Variants in SEMA3A observed in about 807,000 individuals in gnomAD.
SEMA3A encodes semaphorin-3A.
SEMA3A carries 29 observed loss-of-function variants against 97.9 expected under a neutral mutation model. The observed-to-expected ratio is 0.30, with a 90% CI of 0.22 to 0.40. The LOEUF (loss-of-function observed/expected upper bound fraction) is 0.40. SEMA3A is among the 10% of genes least tolerant of loss of function. The pLI, the probability that SEMA3A is intolerant of heterozygous loss-of-function variation, is 1.00. For synonymous variants in SEMA3A, 321 were observed against 323.7 expected (o/e 0.99, Z 0.09); for missense variants, 763 against 951.3 (o/e 0.80, Z 2.60).
intron 3 of SEMA3A, among the ~76,000 whole-genome samples, chr7:84,217,235 AAATT>A (rs1285919170): frequency 6.6e-6 from 1 of 152,192 alleles, no homozygotes; most frequent in Non-Finnish European, 1.5e-5. Context: ...TTTCAAGCAA[AAATT>A]AATTAATTCA....
At chr7:84,459,942 G>A (rs535995299) in intron 1 of SEMA3A, among the ~76,000 whole-genome samples, 10 of 152,242 alleles carry the variant, frequency 6.6e-5, no homozygotes, top group South Asian at 6.2e-4. Context: ...TGGGAAGATC[G>A]CTTGAGTCTG....
chr7:84,441,251 C>T (rs1249945030), intron 1 of SEMA3A, among the ~76,000 whole-genome samples: 1 of 151,636 alleles, frequency 6.6e-6, no homozygotes, highest in East Asian at 1.9e-4. Flanking sequence ...CACTTTACAA[C>T]AGATCTATCT....
chr7:83,977,809 T>TTTC, intron 14 of SEMA3A, among the ~76,000 whole-genome samples: 1 of 143,728 alleles, frequency 7.0e-6, no homozygotes, highest in African/African-American at 2.5e-5. Flanking sequence ...TCTTTCTTTC[T>TTTC]TTTTTTTTTT....
At chr7:84,166,765 C>A (rs1238024509) in intron 1 of SEMA3A, among the ~76,000 whole-genome samples, 3 of 150,634 alleles carry the variant, frequency 2.0e-5, no homozygotes, top group African/African-American at 7.3e-5. Context: ...ATCCCAGCTA[C>A]TCAGGAGGCT....
At chr7:84,052,131 T>G (rs967117469) in intron 5 of SEMA3A, among the ~76,000 whole-genome samples, 1 of 152,060 alleles carries the variant, frequency 6.6e-6, no homozygotes, top group Admixed American at 6.6e-5. Flanking sequence ...TATTGAGGAT[T>G]TTTGCATCAA....
intron 2 of SEMA3A, among the ~76,000 whole-genome samples, chr7:84,365,536 A>G (rs928398113): frequency 3.3e-5 from 5 of 151,598 alleles, no homozygotes; most frequent in African/African-American, 1.2e-4. Context: ...ACTTTTGCGA[A>G]GACTTCTTTC....
At chr7:84,193,069 C>T (rs1377659326) in intron 1 of SEMA3A, among the ~76,000 whole-genome samples, 1 of 151,950 alleles carries the variant, frequency 6.6e-6, no homozygotes, top group East Asian at 1.9e-4. Flanking sequence ...TTAAAACTTA[C>T]ATAAGTACAA....
At chr7:84,344,496 G>A (rs1368501290) in intron 2 of SEMA3A, among the ~76,000 whole-genome samples, 1 of 152,118 alleles carries the variant, frequency 6.6e-6, no homozygotes, top group African/African-American at 2.4e-5. Context: ...ACTGAGTTGA[G>A]GATATAGGAC....
chr7:84,377,938 A>G (rs1803150555), intron 1 of SEMA3A, among the ~76,000 whole-genome samples: 1 of 152,150 alleles, frequency 6.6e-6, no homozygotes, highest in Non-Finnish European at 1.5e-5. Flanking sequence ...TTACCTGAAT[A>G]TAGCCATGTC....
chr7:83,982,612 C>A (rs1008344732), intron 13 of SEMA3A, among the ~76,000 whole-genome samples: 2 of 151,980 alleles, frequency 1.3e-5, no homozygotes, highest in Admixed American at 6.6e-5. Context: ...TGTTTTCATA[C>A]ATTGAAAAGA....
chr7:84,030,414 G>T (rs1791699021), intron 6 of SEMA3A, among the ~76,000 whole-genome samples: 1 of 152,086 alleles, frequency 6.6e-6, no homozygotes, highest in South Asian at 2.1e-4. Flanking sequence ...GAAATGAGAT[G>T]AAACAAGTAC....
At chr7:84,030,801 T>C (rs1176296762) in intron 6 of SEMA3A, among the ~76,000 whole-genome samples, 1 of 152,124 alleles carries the variant, frequency 6.6e-6, no homozygotes, top group Admixed American at 6.6e-5. Flanking sequence ...CATATTTAAA[T>C]TGATCAGAAA....
At chr7:84,033,754 T>C (rs1791842901) in intron 6 of SEMA3A, among the ~76,000 whole-genome samples, 2 of 152,138 alleles carry the variant, frequency 1.3e-5, no homozygotes. Flanking sequence ...TAATGTGGGC[T>C]CTTGATAGGT....
intron 12 of SEMA3A, among the ~76,000 whole-genome samples, chr7:84,000,400 AT>A (rs1428341785): frequency 6.6e-6 from 1 of 152,152 alleles, no homozygotes; most frequent in African/African-American, 2.4e-5. Flanking sequence ...AATTATGATT[AT>A]TTTATTATCT....
At position 83,981,308 on chromosome 7, in the gene SEMA3A, A is replaced by G. The variant is rs1170376377; in HGVS notation, c.1652+13T>C. ...CTAGCAAACATTTCATTTATTTTGAATATTTTTCCTACCTCTTTGCAGTGG... is the reference window on the plus strand; with the variant it reads ...CTAGCAAACATTTCATTTATTTTGAGTATTTTTCCTACCTCTTTGCAGTGG... On this transcript the variant is annotated intron_variant, in intron 14 of 16. Coordinates refer to ENST00000265362, the MANE Select transcript of SEMA3A (RefSeq NM_006080.3). 1.2e-6 allele frequency: 2 copies of G among 1,612,408 alleles called. No individual in the cohort carries two copies. Among genetic ancestry groups the G allele is most frequent in the Middle Eastern group, 1.7e-4 (1 of 6,058 alleles).
intron 3 of SEMA3A, among the ~76,000 whole-genome samples, chr7:84,229,743 CCT>C (rs1799074197): frequency 6.6e-6 from 1 of 151,606 alleles, no homozygotes; most frequent in African/African-American, 2.4e-5. Context: ...TATATTAATC[CCT>C]TTCTCTATTA....
intron 2 of SEMA3A, 84 bp from the exon 3 acceptor site, chr7:84,129,269 G>A (rs941836932): frequency 8.9e-6 from 10 of 1,119,682 alleles, no homozygotes; most frequent in Admixed American, 1.8e-5. Context: ...GATGACATTG[G>A]GGCAACTGAA....
chr7:84,186,417 C>T (rs182859361), intron 1 of SEMA3A, among the ~76,000 whole-genome samples: 1 of 152,178 alleles, frequency 6.6e-6, no homozygotes, highest in Non-Finnish European at 1.5e-5. Flanking sequence ...CTTATGAAAA[C>T]GTACTTTCAT....
At chr7:84,462,304 A>G (rs1280051508) in intron 1 of SEMA3A, among the ~76,000 whole-genome samples, 1 of 152,158 alleles carries the variant, frequency 6.6e-6, no homozygotes, top group Non-Finnish European at 1.5e-5. Context: ...GCAATATTTT[A>G]TAGTATAGCA....
Sources: allele counts gnomAD v4.1 joint callset (sites outside exome capture counted in the v4.1 genomes callset), GRCh38; gene constraint gnomAD v4.1.1; transcripts MANE v1.5; gene names NCBI Gene and HGNC (gene_info 2026-07-23, HGNC 2026-07-21).